Variants in RGSL1 observed in about 807,000 individuals in gnomAD.
RGSL1 encodes the protein regulator of G protein signaling protein-like.
Under a neutral mutation model 124.7 loss-of-function variants are expected in RGSL1, and 97 were observed. The ratio of observed to expected loss-of-function variants is 0.78; its 90% CI spans 0.66 to 0.92. The LOEUF is 0.92. Ranked by LOEUF, RGSL1 falls within the 40% of genes least tolerant of loss-of-function variation. RGSL1 has a pLI of 0.00. For missense variants in RGSL1, 1,233 were observed against 1,288.4 expected (o/e 0.96, Z 0.66); for synonymous variants, 424 against 438.1 (o/e 0.97, Z 0.40).
At chr1:182,452,865 G>A (rs1651964560) in intron 1 of RGSL1, among the ~76,000 whole-genome samples, 1 of 152,166 alleles carries the variant, frequency 6.6e-6, no homozygotes, top group Non-Finnish European at 1.5e-5. Flanking sequence ...ACTGTGCATG[G>A]CACTTACTGT....
chr1:182,550,837 G>A, intron 17 of RGSL1: 1 of 464,550 alleles, frequency 2.2e-6, no homozygotes, highest in Non-Finnish European at 3.8e-6. Flanking sequence ...GCCCTTTACA[G>A]GCTCCATTCA....
chr1:182,497,332 A>G (rs147253150), intron 9 of RGSL1, among the ~76,000 whole-genome samples: 1 of 147,408 alleles, frequency 6.8e-6, no homozygotes, highest in Non-Finnish European at 1.5e-5. Flanking sequence ...TATATTATAT[A>G]TATATATTTT....
intron 2 of RGSL1, among the ~76,000 whole-genome samples, chr1:182,455,979 C>T (rs947882559): frequency 5.9e-5 from 9 of 151,870 alleles, no homozygotes; most frequent in Non-Finnish European, 8.8e-5. Flanking sequence ...GAAGGGAAAG[C>T]GGTTAGGAGG....
In RGSL1 at chr1:182,473,567, AT is replaced by A. The variant is rs1174593347; in HGVS notation, c.464-5del. ...TTTTCACCCATGATTTCTCTGTATT[AT>A]TTCCAGAGTCCCTCCTGAACCTCTC... On this transcript the variant is annotated splice_region_variant and splice_polypyrimidine_tract_variant and intron_variant, in intron 5 of 21. Coordinates refer to ENST00000294854, the MANE Select transcript of RGSL1 (RefSeq NM_001137669.2). 1 of 1,519,816 alleles carries A rather than the reference AT, an allele frequency of 6.6e-7. No individual in the cohort carries two copies. Among genetic ancestry groups the A allele is most frequent in the African/African-American group, 1.4e-5 (1 of 71,964 alleles). 94.1% of individuals were successfully genotyped at this position (1,519,816 alleles called of 1,614,324 possible).
rs1197358997 is a variant in RGSL1, at chr1:182,548,752, G to T, written c.2861G>T (p.Gly954Val). The change falls in exon 17 of 22, where the codon GGC becomes GTC. Residue 954 changes from glycine (G) to valine (V), a missense_variant. Coordinates refer to ENST00000294854, the MANE Select transcript of RGSL1 (RefSeq NM_001137669.2). ...GCCATCCTTGCTGCCATCACAGAGG[G>T]CTACCTAGATCGGAGCGTCTTCCAT... Reference protein sequence around the residue: ...KDAILAAITEGYLDRSVFHGA... With the variant: ...KDAILAAITEVYLDRSVFHGA... The T allele has an allele frequency of 6.4e-7, 1 of 1,551,504 alleles. No individual in the cohort carries two copies. Among genetic ancestry groups the T allele is most frequent in the African/African-American group, 1.4e-5 (1 of 73,006 alleles).
chr1:182,501,386 T>C (rs1214149720), intron 9 of RGSL1, among the ~76,000 whole-genome samples: 2 of 140,506 alleles, frequency 1.4e-5, no homozygotes, highest in African/African-American at 2.6e-5. Flanking sequence ...GTGGTGCATC[T>C]TGGCTCACTG....
Position 182,548,653 on chromosome 1 carries a change from C to T in RGSL1, c.2809-47C>T, listed in dbSNP as rs1484488349. On this transcript the variant is annotated intron_variant, in intron 16 of 21. Transcript: ENST00000294854. ...CTGGGGGCCAGGAGAGGTTTTCTGCCTTCCCGTGGAGCCTCTGCCAGTGAC... is the reference window on the plus strand; with the variant it reads ...CTGGGGGCCAGGAGAGGTTTTCTGCTTTCCCGTGGAGCCTCTGCCAGTGAC... The T allele has an allele frequency of 3.9e-6, 6 of 1,546,524 alleles. No individual in the cohort carries two copies. The Admixed American group carries it at 1.2e-4, about 31-fold the overall frequency.
chr1:182,482,288 C>T (rs1452161971), intron 6 of RGSL1, among the ~76,000 whole-genome samples: 1 of 152,054 alleles, frequency 6.6e-6, no homozygotes, highest in Non-Finnish European at 1.5e-5. Flanking sequence ...TACTCAATGG[C>T]GAGAAGCTGA....
At position 182,488,317 on chromosome 1, in the gene RGSL1, T is replaced by C; in HGVS notation, c.1464T>C (p.Asp488=). Residue 488 remains aspartate, a synonymous_variant, in exon 7 of 22, where the codon GAT becomes GAC. Transcript: ENST00000294854. ...MLSPWYDEFL[D]EEDYWFLLFT... ...GTCCCTGGTATGATGAGTTTCTAGA[T>C]GAAGAGGACTACTGGTTTCTCCTTT... The C allele has an allele frequency of 6.4e-7, 1 of 1,552,346 alleles. No homozygotes were observed. The highest frequency in any genetic ancestry group is 8.7e-7 in the Non-Finnish European group (1 of 1,147,126).
chr1:182,524,918 AAG>A (rs1289316907), intron 10 of RGSL1, among the ~76,000 whole-genome samples: 1 of 152,238 alleles, frequency 6.6e-6, no homozygotes, highest in East Asian at 1.9e-4. Context: ...GCAGATGCTC[AAG>A]AGAGACCGAA....
intron 2 of RGSL1, among the ~76,000 whole-genome samples, chr1:182,454,617 TGTG>T (rs1652139327): frequency 6.7e-6 from 1 of 149,108 alleles, no homozygotes; most frequent in Non-Finnish European, 1.5e-5. Context: ...TGTGTGTGTG[TGTG>T]TGTGTGGCCC....
intron 3 of RGSL1, among the ~76,000 whole-genome samples, 183 bp downstream of exon 3, chr1:182,458,576 C>T (rs752177391): frequency 2.0e-4 from 31 of 152,116 alleles, no homozygotes; most frequent in Non-Finnish European, 5.9e-5. Context: ...CTCAAGCAAT[C>T]CTCCCACCTA....
chr1:182,555,932 C>T lies in RGSL1; in HGVS notation c.3198-92C>T, dbSNP rs1660839341. On this transcript the variant is annotated intron_variant, in intron 20 of 21. Transcript: ENST00000294854. ...GGTTTCAGTTTTGGCTATTGCCATT[C>T]CTAAAGGAAATGACAGTGACAAACC... is the stretch of plus-strand genomic sequence containing the variant. The T allele has an allele frequency of 5.0e-6, 6 of 1,200,806 alleles. No homozygotes were observed. In the Admixed American group the frequency reaches 6.3e-5, roughly 13 times the overall value. The allele number at this position is 1,200,806 out of a possible 1,614,324, so 74.4% of individuals were successfully genotyped here.
At chr1:182,531,073 G>A (rs1659139167) in intron 13 of RGSL1, among the ~76,000 whole-genome samples, 163 bp downstream of exon 13, 1 of 152,150 alleles carries the variant, frequency 6.6e-6, no homozygotes, top group Non-Finnish European at 1.5e-5. Context: ...TGTGATTAGA[G>A]TCAACTGAGT....
In RGSL1 at chr1:182,474,045, A is replaced by T; in HGVS notation, c.934A>T (p.Met312Leu). ...AAGAATCAGTTCCCTGGAAAAGGAT[A>T]TGCATTATGCAAAAATATCCAGCAT... ...ETRISSLEKD[M>L]HYAKISSMEN... The change falls in exon 6 of 22, where the codon ATG becomes TTG. Residue 312 changes from methionine to leucine, a missense_variant. Coordinates refer to ENST00000294854, the MANE Select transcript of RGSL1 (RefSeq NM_001137669.2). 6.4e-7 allele frequency: 1 copy of T among 1,551,822 alleles called. No individual in the cohort carries two copies. The highest frequency in any genetic ancestry group is 8.7e-7 in the Non-Finnish European group (1 of 1,147,008).
At position 182,552,403 on chromosome 1, in the gene RGSL1, C is replaced by T. The variant is rs143855189; in HGVS notation, c.3044-1052C>T. ...TGCTGGGATTACAGGTGTAAGCCAC[C>T]GCACCCTGTGCAAAAGGGAATTTTA... On this transcript the variant is annotated intron_variant, in intron 18 of 21. Coordinates refer to ENST00000294854, the MANE Select transcript of RGSL1 (RefSeq NM_001137669.2). Among the ~76,000 whole-genome samples the T allele has an allele frequency of 6.1e-3, 924 of 152,180 alleles. 12 individuals are homozygous for T. Among genetic ancestry groups the T allele is most frequent in the African/African-American group, 0.021 (870 of 41,520 alleles).
chr1:182,498,628 G>T (rs1349399562), intron 9 of RGSL1, among the ~76,000 whole-genome samples: 1 of 152,144 alleles, frequency 6.6e-6, no homozygotes, highest in East Asian at 1.9e-4. Flanking sequence ...CCAAGTAATT[G>T]TATGGTTTTG....
At chr1:182,498,815 A>T (rs1256598668) in intron 9 of RGSL1, among the ~76,000 whole-genome samples, 1 of 144,684 alleles carries the variant, frequency 6.9e-6, no homozygotes. Flanking sequence ...TTTTTGAGAC[A>T]GAGTCTTGCT....
chr1:182,475,610 G>A lies in RGSL1; in HGVS notation c.1431+1068G>A, dbSNP rs534889693. On this transcript the variant is annotated intron_variant, in intron 6 of 21. Coordinates refer to ENST00000294854, the MANE Select transcript of RGSL1 (RefSeq NM_001137669.2). ...TACTTGGCAGAAGCTGTAATCATCAGTTGAGGGATATAACTAGTTCACAGT... is the reference window on the plus strand; with the variant it reads ...TACTTGGCAGAAGCTGTAATCATCAATTGAGGGATATAACTAGTTCACAGT... Among the ~76,000 whole-genome samples, 35 of 152,276 alleles carry A rather than the reference G, an allele frequency of 2.3e-4. No homozygotes were observed. In the South Asian group the frequency reaches 6.4e-3, roughly 28 times the overall value.
Sources: allele counts gnomAD v4.1 joint callset (sites outside exome capture counted in the v4.1 genomes callset), GRCh38; gene constraint gnomAD v4.1.1; transcripts MANE v1.5; gene names NCBI Gene and HGNC (gene_info 2026-07-23, HGNC 2026-07-21).